Variants in DPF3 observed in about 807,000 individuals in gnomAD.
The protein encoded by DPF3 is double PHD fingers 3.
A neutral mutation model predicts 56.8 loss-of-function variants in DPF3; 18 were observed. The observed-to-expected ratio is 0.32, with a 90% CI of 0.22 to 0.47. The LOEUF is 0.47. Ranked by LOEUF, DPF3 falls within the 20% of genes least tolerant of loss-of-function variation. The pLI is 1.00. For synonymous variants in DPF3, 188 were observed against 180.2 expected (o/e 1.04, Z -0.35); for missense variants, 403 against 488.8 (o/e 0.82, Z 1.65).
intron 1 of DPF3, among the ~76,000 whole-genome samples, chr14:72,779,015 G>A (rs1461656938): frequency 6.6e-6 from 1 of 152,228 alleles, no homozygotes; most frequent in Non-Finnish European, 1.5e-5. Flanking sequence ...ACCCCCTGGA[G>A]TGGTGGAGCC....
intron 8 of DPF3, chr14:72,670,353 T>C (rs1886614958): frequency 2.0e-6 from 2 of 986,212 alleles, no homozygotes; most frequent in Admixed American, 1.2e-4. Flanking sequence ...AAACAGCAGC[T>C]CTACTGACGG....
intron 1 of DPF3, among the ~76,000 whole-genome samples, chr14:72,867,481 G>A (rs970614099): frequency 6.6e-6 from 1 of 152,120 alleles, no homozygotes; most frequent in African/African-American, 2.4e-5. Flanking sequence ...GGGCAGAGGG[G>A]TCAAAAGAAC....
At chr14:72,676,782 G>A (rs1886931726) in intron 7 of DPF3, among the ~76,000 whole-genome samples, 2 of 152,206 alleles carry the variant, frequency 1.3e-5, no homozygotes, top group Non-Finnish European at 2.9e-5. Context: ...AGGTGGAACT[G>A]TGAGTCCATT....
At chr14:72,853,126 G>C (rs1465570050) in intron 1 of DPF3, 1 of 150,688 alleles carries the variant, frequency 6.6e-6, no homozygotes, top group Non-Finnish European at 1.5e-5. Context: ...CTTAGCTTTG[G>C]GGAACAGAAT....
intron 7 of DPF3, among the ~76,000 whole-genome samples, chr14:72,688,077 C>A (rs1887488157): frequency 1.3e-5 from 2 of 151,068 alleles, no homozygotes; most frequent in African/African-American, 4.9e-5. Context: ...CCTCCCTAGT[C>A]CCAGCATATA....
intron 1 of DPF3, among the ~76,000 whole-genome samples, chr14:72,775,603 C>A (rs1363514826): frequency 6.6e-6 from 1 of 152,136 alleles, no homozygotes; most frequent in Non-Finnish European, 1.5e-5. Flanking sequence ...TAAATATAAT[C>A]TTTGTGTGAA....
At chr14:72,640,062 A>AAAAAAAAAAAAAAAAAAAT (rs1885504761) in intron 8 of DPF3, among the ~76,000 whole-genome samples, 1 of 142,202 alleles carries the variant, frequency 7.0e-6, no homozygotes. Context: ...AAAAAAAAAA[A>AAAAAAAAAAAAAAAAAAAT]AAAAAAAAAA....
At chr14:72,619,787 C>T in intron 10 of DPF3, 116 bp downstream of exon 10, 1 of 1,008,078 alleles carries the variant, frequency 9.9e-7, no homozygotes, top group Non-Finnish European at 1.4e-6. Context: ...TTAAATGAGA[C>T]AAGACATGAA....
intron 1 of DPF3, chr14:72,892,297 A>G: frequency 1.3e-6 from 2 of 1,535,530 alleles, no homozygotes; most frequent in South Asian, 2.4e-5. Context: ...AGCAACCGGC[A>G]GCGAGGATGC....
intron 1 of DPF3, among the ~76,000 whole-genome samples, chr14:72,868,963 T>C (rs1457025620): frequency 1.3e-5 from 2 of 152,190 alleles, no homozygotes; most frequent in Admixed American, 6.5e-5. Flanking sequence ...AATCCTTCCA[T>C]GGCTGCTTAC....
intron 4 of DPF3, among the ~76,000 whole-genome samples, chr14:72,728,312 G>A (rs1479542975): frequency 6.6e-6 from 1 of 152,186 alleles, no homozygotes; most frequent in Non-Finnish European, 1.5e-5. Flanking sequence ...AAGGCTTGAT[G>A]GGGAAGGTGG....
chr14:72,791,752 G>A (rs557667615), intron 1 of DPF3, among the ~76,000 whole-genome samples: 4 of 152,348 alleles, frequency 2.6e-5, no homozygotes, highest in African/African-American at 9.6e-5. Context: ...CAGAGGTTAA[G>A]GAATTTAACC....
intron 7 of DPF3, among the ~76,000 whole-genome samples, chr14:72,685,262 C>G (rs1350616908): frequency 6.6e-6 from 1 of 152,212 alleles, no homozygotes; most frequent in South Asian, 2.1e-4. Context: ...GGGCCCATCA[C>G]TCAGGGTTCC....
At chr14:72,797,741 C>A (rs1280097412) in intron 1 of DPF3, among the ~76,000 whole-genome samples, 1 of 152,176 alleles carries the variant, frequency 6.6e-6, no homozygotes, top group African/African-American at 2.4e-5. Context: ...CATGAACATA[C>A]AACGTAGGAT....
At chr14:72,773,494 T>C (rs1891626848) in intron 1 of DPF3, among the ~76,000 whole-genome samples, 1 of 152,166 alleles carries the variant, frequency 6.6e-6, no homozygotes, top group African/African-American at 2.4e-5. Context: ...AAGTGTACAG[T>C]TTAAGTGTAC....
intron 3 of DPF3, among the ~76,000 whole-genome samples, chr14:72,746,376 G>A (rs184458516): frequency 1.3e-4 from 20 of 152,344 alleles, no homozygotes; most frequent in Admixed American, 6.5e-4. Flanking sequence ...CTGCAGGCTG[G>A]CATGGTGGTA....
At chr14:72,724,493 G>A (rs1465548099) in intron 4 of DPF3, among the ~76,000 whole-genome samples, 1 of 152,050 alleles carries the variant, frequency 6.6e-6, no homozygotes, top group Non-Finnish European at 1.5e-5. Flanking sequence ...CACAGTGGCT[G>A]AGAATTCCAG....
At chr14:72,833,564 G>A (rs1884153931) in intron 1 of DPF3, among the ~76,000 whole-genome samples, 1 of 151,626 alleles carries the variant, frequency 6.6e-6, no homozygotes, top group Non-Finnish European at 1.5e-5. Context: ...CAGAAACTCT[G>A]GGGGAAAAAA....
At chr14:72,784,021 GC>G (rs1892104685) in intron 1 of DPF3, among the ~76,000 whole-genome samples, 1 of 152,152 alleles carries the variant, frequency 6.6e-6, no homozygotes, top group South Asian at 2.1e-4. Flanking sequence ...GGGGGCCTCT[GC>G]CCTCCTGTCA....
Sources: gnomAD v4.1 joint callset for allele counts (sites outside exome capture counted in the v4.1 genomes callset) on GRCh38, gnomAD v4.1.1 for gene constraint, MANE v1.5 for transcripts, NCBI Gene and HGNC (gene_info 2026-07-23, HGNC 2026-07-21) for gene names.